The following AGBL1 variants were observed in gnomAD, a reference collection of about 807,000 sequenced individuals.
The protein encoded by AGBL1 is cytosolic carboxypeptidase 4.
A neutral mutation model predicts 118.9 loss-of-function variants in AGBL1; 130 were observed. The ratio of observed to expected loss-of-function variants is 1.09; its 90% CI spans 0.95 to 1.26. AGBL1 has a LOEUF of 1.26. Among genes scored for constraint, AGBL1 ranks in the 50% most tolerant of loss-of-function variants. AGBL1 has a pLI of 0.00. For missense variants in AGBL1, 1,584 were observed against 1,298.1 expected, an observed-to-expected ratio of 1.22 and a Z score of -3.38; for synonymous variants, 555 against 478.9, an observed-to-expected ratio of 1.16 and a Z score of -2.08.
At chr15:86,119,655 TTGTGTGTGTGTG>T (rs59997626) in intron 1 of AGBL1, among the ~76,000 whole-genome samples, 80 of 148,682 alleles carry the variant, frequency 5.4e-4, no homozygotes, top group South Asian at 4.3e-3. Context: ...GAAAAGTAGT[TTGTGTGTGTGTG>T]TGTGTGTGTG....
chr15:86,159,037 C>A lies in AGBL1; in HGVS notation c.488+11C>A. 6.2e-7 allele frequency: 1 copy of A among 1,610,384 alleles called. No homozygotes were observed. Among genetic ancestry groups the A allele is most frequent in the Non-Finnish European group, 8.5e-7 (1 of 1,176,890 alleles). ...CACCCAAGCAATCAGGTACAGAGTG[C>A]CATGTAATACTTCTGCCCCTTTTGT... is the stretch of plus-strand genomic sequence containing the variant. On this transcript the variant is annotated intron_variant, in intron 5 of 22. Coordinates refer to ENST00000614907, the MANE Select transcript of AGBL1 (RefSeq NM_001386094.1).
At chr15:86,729,499 G>A (rs548220827) in intron 22 of AGBL1, among the ~76,000 whole-genome samples, 1 of 152,136 alleles carries the variant, frequency 6.6e-6, no homozygotes, top group Non-Finnish European at 1.5e-5. Context: ...TCAGTGTTTA[G>A]CTCCTGCTTA....
Position 86,247,766 on chromosome 15 carries a change from G to T in AGBL1, c.622G>T (p.Val208Leu), listed in dbSNP as rs149477284. The T allele has an allele frequency of 1.9e-5, 31 of 1,613,856 alleles. No individual in the cohort carries two copies. The Admixed American group carries it at 4.8e-4, about 25-fold the overall frequency. ...WHSHDTANAY[V>L]QIRRGLLLCL... ...CAGCCATGACACAGCCAACGCCTAC[G>T]TGCAGATCCGACGGGGCTTGCTGCT... is the stretch of plus-strand genomic sequence containing the variant. The change falls in exon 7 of 23, where the codon GTG becomes TTG. Residue 208 changes from valine to leucine, a missense_variant. Physicochemically the swap from Val to Leu is conservative, Grantham distance 32. Coordinates refer to ENST00000614907, the MANE Select transcript of AGBL1 (RefSeq NM_001386094.1).
At chr15:86,294,566 G>A (rs1170956572) in intron 16 of AGBL1, among the ~76,000 whole-genome samples, 3 of 151,802 alleles carry the variant, frequency 2.0e-5, no homozygotes, top group South Asian at 2.1e-4. Context: ...GATTAACCAC[G>A]TCTATTATTT....
chr15:86,928,725 A>G (rs1009073700), intron 23 of AGBL1, among the ~76,000 whole-genome samples: 1 of 152,170 alleles, frequency 6.6e-6, no homozygotes, highest in African/African-American at 2.4e-5. Context: ...AATCTCTTCT[A>G]ACTACAATGT....
chr15:86,588,475 C>T (rs1360433313), intron 21 of AGBL1, among the ~76,000 whole-genome samples: 2 of 152,212 alleles, frequency 1.3e-5, no homozygotes, highest in Non-Finnish European at 2.9e-5. Flanking sequence ...CTGTGTCCTG[C>T]AAGGGAGAAG....
chr15:86,878,272 T>C lies in AGBL1; in HGVS notation c.3159-28815T>C, dbSNP rs2079841912. Among the ~76,000 whole-genome samples the C allele has an allele frequency of 2.0e-5, 3 of 152,350 alleles. No homozygotes were observed. In the Middle Eastern group the frequency reaches 0.01, roughly 518 times the overall value. On this transcript the variant is annotated intron_variant, in intron 22 of 22. Coordinates refer to ENST00000614907, the MANE Select transcript of AGBL1 (RefSeq NM_001386094.1). The stretch of plus-strand genomic sequence containing the variant: ...TAGTAAATATTTTAATCTTTGCAAG[T>C]CATAGGGTCTGTCTTGCTATCATTC...
chr15:86,905,116 G>T (rs2080264179), intron 22 of AGBL1, among the ~76,000 whole-genome samples: 1 of 152,238 alleles, frequency 6.6e-6, no homozygotes, highest in Non-Finnish European at 1.5e-5. Flanking sequence ...TGTATGTTGA[G>T]GGGTTGGCAG....
At position 86,136,574 on chromosome 15, in the gene AGBL1, A is replaced by G. The variant is rs186366647; in HGVS notation, c.52-5430A>G. Among the ~76,000 whole-genome samples the G allele has an allele frequency of 2.0e-5, 3 of 152,300 alleles. No homozygotes were observed. In the East Asian group the frequency reaches 5.8e-4, roughly 29 times the overall value. ...CTGGAGCTGAGAATTAACATATGCT[A>G]CAAAGAGTGGGGAGAAATGATGCTT... On this transcript the variant is annotated intron_variant, in intron 1 of 22. Coordinates refer to ENST00000614907, the MANE Select transcript of AGBL1 (RefSeq NM_001386094.1).
At chr15:86,319,743 GTTTTTTTTTTTTTTTTTT>G (rs139831044) in intron 17 of AGBL1, among the ~76,000 whole-genome samples, 10 of 47,228 alleles carry the variant, frequency 2.1e-4, no homozygotes, top group East Asian at 8.1e-4. Flanking sequence ...CTCTTTGGTA[GTTTTTTTTTTTTTTTTTT>G]TTTTTTTTTT....
At chr15:86,633,867 ATATATATAATG>A (rs2085030790) in intron 21 of AGBL1, among the ~76,000 whole-genome samples, 172 of 15,180 alleles carry the variant, frequency 0.011, no homozygotes, top group African/African-American at 0.021. Flanking sequence ...TATATAATGT[ATATATATAATG>A]TATATATATA....
chr15:86,930,336 AATTT>A (rs2141634189), intron 23 of AGBL1, among the ~76,000 whole-genome samples: 1 of 152,290 alleles, frequency 6.6e-6, no homozygotes, highest in African/African-American at 2.4e-5. Context: ...TGCATGTGAC[AATTT>A]ATTTATCACT....
chr15:86,691,233 A>T (rs1442937912), intron 22 of AGBL1, among the ~76,000 whole-genome samples: 1 of 152,170 alleles, frequency 6.6e-6, no homozygotes, highest in African/African-American at 2.4e-5. Flanking sequence ...TTTGCAAGCA[A>T]AACACAAGGC....
intron 6 of AGBL1, among the ~76,000 whole-genome samples, chr15:86,244,771 C>T (rs1425894204): frequency 6.6e-6 from 1 of 152,136 alleles, no homozygotes; most frequent in Non-Finnish European, 1.5e-5. Flanking sequence ...GCTTATGCTG[C>T]CCACGGGGCC....
At chr15:86,320,328 T>C (rs1353611292) in intron 17 of AGBL1, among the ~76,000 whole-genome samples, 1 of 152,064 alleles carries the variant, frequency 6.6e-6, no homozygotes, top group African/African-American at 2.4e-5. Context: ...AAGAGCTTGC[T>C]TTCACATCAT....
At chr15:86,407,154 T>G (rs2081541314) in intron 18 of AGBL1, among the ~76,000 whole-genome samples, 1 of 152,208 alleles carries the variant, frequency 6.6e-6, no homozygotes. Flanking sequence ...CATGATTTTA[T>G]TTTCATTTTT....
chr15:86,612,711 C>A (rs2084674166), intron 21 of AGBL1, among the ~76,000 whole-genome samples: 1 of 152,164 alleles, frequency 6.6e-6, no homozygotes, highest in Non-Finnish European at 1.5e-5. Context: ...AATTTGCACT[C>A]GGTAGAGAAC....
At chr15:86,519,465 G>A (rs2083160078) in intron 18 of AGBL1, among the ~76,000 whole-genome samples, 1 of 152,146 alleles carries the variant, frequency 6.6e-6, no homozygotes, top group South Asian at 2.1e-4. Flanking sequence ...AAATCCCTGG[G>A]AAGAGCAGCA....
At chr15:86,952,980 T>G (rs1294560962) in intron 23 of AGBL1, among the ~76,000 whole-genome samples, 2 of 152,314 alleles carry the variant, frequency 1.3e-5, no homozygotes, top group East Asian at 1.9e-4. Flanking sequence ...ATCAGATTGT[T>G]ATAGGTGTGC....
Sources: gnomAD v4.1 joint callset for allele counts (sites outside exome capture counted in the v4.1 genomes callset) on GRCh38, gnomAD v4.1.1 for gene constraint, MANE v1.5 for transcripts, NCBI Gene and HGNC (gene_info 2026-07-23, HGNC 2026-07-21) for gene names.